FAM199X: variants seen among roughly 807,000 people sequenced by gnomAD.
The protein encoded by FAM199X is family with sequence similarity 199, X-linked.
In FAM199X, 4 loss-of-function variants were observed where a neutral mutation model predicts 22.9. That is an observed-to-expected ratio of 0.17 (90% CI 0.09 to 0.40). The LOEUF (loss-of-function observed/expected upper bound fraction) is 0.40. FAM199X is among the 10% of genes least tolerant of loss of function. FAM199X has a pLI of 1.00. For synonymous variants in FAM199X, 101 were observed against 112.3 expected (o/e 0.90, Z 0.64); for missense variants, 183 against 306.8 (o/e 0.60, Z 3.01).
At chrX:104,177,016 A>G (rs1012105795) in intron 2 of FAM199X, among the ~76,000 whole-genome samples, 1 of 111,676 alleles carries the variant, frequency 9.0e-6, no homozygotes, top group African/African-American at 3.3e-5. Context: ...TTTGAAATGT[A>G]TAATTCAGTA....
chrX:104,160,026 C>T, the FAM199X span, among the ~76,000 whole-genome samples: 357 of 112,261 alleles, frequency 3.2e-3, 2 homozygotes, highest in African/African-American at 0.011. Context: ...TGAGAGCACT[C>T]GCTCTAAATC....
chrX:104,161,035 TTTA>T, the FAM199X span, among the ~76,000 whole-genome samples: 1 of 111,516 alleles, frequency 9.0e-6, no homozygotes, highest in Admixed American at 9.6e-5. Flanking sequence ...ATTGGTTCCT[TTTA>T]TTATTTTTAT....
intron 2 of FAM199X, among the ~76,000 whole-genome samples, chrX:104,180,309 T>TTTTC (rs1921616763): frequency 9.5e-6 from 1 of 105,148 alleles, no homozygotes; most frequent in African/African-American, 3.5e-5. Flanking sequence ...TTTTTTTTTT[T>TTTTC]CTCAGTACAG....
At chrX:104,167,116 C>A in intron 1 of FAM199X, 134 bp downstream of exon 1, 1 of 503,536 alleles carries the variant, frequency 2.0e-6, no homozygotes, top group Non-Finnish European at 3.0e-6. Context: ...TTCCCGGCCT[C>A]CTTCCCTGCC....
intron 2 of FAM199X, among the ~76,000 whole-genome samples, chrX:104,177,730 C>T (rs375863221): frequency 6.0e-4 from 67 of 112,043 alleles, no homozygotes; most frequent in African/African-American, 2.0e-3. Context: ...TGTGTGTCCT[C>T]TTTGGGGAAA....
chrX:104,181,102 C>T (rs978958988), intron 2 of FAM199X, among the ~76,000 whole-genome samples: 2 of 112,249 alleles, frequency 1.8e-5, no homozygotes, highest in East Asian at 5.6e-4. Context: ...AGTGAGTAAT[C>T]AGCTGTCACA....
At chrX:104,173,355 C>A (rs996972926) in intron 1 of FAM199X, among the ~76,000 whole-genome samples, 14 of 111,318 alleles carry the variant, frequency 1.3e-4, no homozygotes, top group Admixed American at 1.0e-3. Flanking sequence ...ATTTTTTTTA[C>A]TATCTATAAA....
intron 1 of FAM199X, among the ~76,000 whole-genome samples, chrX:104,169,682 C>T (rs1176961400): frequency 8.9e-6 from 1 of 111,822 alleles, no homozygotes; most frequent in African/African-American, 3.3e-5. Flanking sequence ...ATTCTCCTGC[C>T]TCAGCCTTCT....
Position 104,185,118 on chromosome X carries a change from G to T in FAM199X, c.418-948G>T, listed in dbSNP as rs5962550. ...GACGGGGTCTCGCCACATTGCCTAGGCTGGTCTTGAACTCCTAGGCTCAAG... is the reference window on the plus strand; with the variant it reads ...GACGGGGTCTCGCCACATTGCCTAGTCTGGTCTTGAACTCCTAGGCTCAAG... On this transcript the variant is annotated intron_variant, in intron 2 of 5. Transcript: ENST00000493442. Among the ~76,000 whole-genome samples the T allele has an allele frequency of 2.0e-3, 201 of 101,188 alleles. 2 individuals carry two copies. The highest frequency in any genetic ancestry group is 7.1e-3 in the African/African-American group (194 of 27,151). 87.9% of individuals were successfully genotyped at this position (101,188 alleles called of 115,157 possible).
At chrX:104,168,878 CTTTTTTT>C (rs56399350) in intron 1 of FAM199X, among the ~76,000 whole-genome samples, 2 of 83,336 alleles carry the variant, frequency 2.4e-5, no homozygotes, top group Non-Finnish European at 4.6e-5. Flanking sequence ...TTACTGCTTG[CTTTTTTT>C]TTTTTTTTTT....
rs1480729414 is a variant in FAM199X, at chrX:104,193,961, G to T, written c.*4183G>T. 6 of 111,506 alleles carry T rather than the reference G, an allele frequency of 5.4e-5. No individual in the cohort carries two copies. Among genetic ancestry groups the T allele is most frequent in the Non-Finnish European group, 1.1e-4 (6 of 52,904 alleles). The allele number at this position is 111,506 out of a possible 1,213,427, so 9.2% of individuals were successfully genotyped here. ...TTACTTATTCCAGAAGCCTTAGAAG[G>T]AATTCTGAAAATTCTTCTAACTGGC... On this transcript the variant is annotated 3_prime_UTR_variant, in exon 6 of 6. Transcript: ENST00000493442.
At chrX:104,169,884 G>A in intron 1 of FAM199X, among the ~76,000 whole-genome samples, 1 of 112,208 alleles carries the variant, frequency 8.9e-6, no homozygotes, top group East Asian at 2.8e-4. Flanking sequence ...TCAAATTAAA[G>A]TCATTTGTGA....
In FAM199X at chrX:104,189,650, A is replaced by C; in HGVS notation, c.1039A>C (p.Lys347Gln). 2.5e-6 allele frequency: 3 copies of C among 1,211,988 alleles called. No individual in the cohort carries two copies. The highest frequency in any genetic ancestry group is 3.4e-6 in the Non-Finnish European group (3 of 895,446). ...QRKLQQKAFR[K>Q]RQLKEQRQAR... Reference sequence around the variant, plus strand: ...GAAGTTACAGCAGAAGGCCTTCCGCAAGAGGCAGCTGAAGGAGCAGAGGCA... The same window carrying C: ...GAAGTTACAGCAGAAGGCCTTCCGCCAGAGGCAGCTGAAGGAGCAGAGGCA... The change falls in exon 6 of 6, where the codon AAG becomes CAG. Residue 347 changes from lysine to glutamine, a missense_variant. Physicochemically the swap from Lys to Gln is moderately conservative, Grantham distance 53. Around this residue, in one of 2 missense-constraint regions of FAM199X, gnomAD observed 128 missense variants for 246.2 expected, o/e 0.52. Coordinates refer to ENST00000493442, the MANE Select transcript of FAM199X (RefSeq NM_207318.4).
At chrX:104,171,507 GA>G (rs1307682664) in intron 1 of FAM199X, among the ~76,000 whole-genome samples, 3 of 111,874 alleles carry the variant, frequency 2.7e-5, no homozygotes, top group African/African-American at 9.7e-5. Flanking sequence ...GTTTGAAACT[GA>G]CAGAACAGTC....
chrX:104,164,506 G>A (rs1556373268), upstream of FAM199X, among the ~76,000 whole-genome samples: 1 of 111,941 alleles, frequency 8.9e-6, no homozygotes, highest in Non-Finnish European at 1.9e-5. Context: ...ACACATACTT[G>A]TAGAAACCTC....
chrX:104,173,793 A>G (rs1347876705), intron 1 of FAM199X, among the ~76,000 whole-genome samples: 1 of 112,081 alleles, frequency 8.9e-6, no homozygotes, highest in Non-Finnish European at 1.9e-5. Flanking sequence ...TTCAAGACCA[A>G]AAAAAGATCC....
chrX:104,173,357 A>G (rs1422423918), intron 1 of FAM199X, among the ~76,000 whole-genome samples: 14 of 111,751 alleles, frequency 1.3e-4, no homozygotes, highest in Non-Finnish European at 2.6e-4. Context: ...TTTTTTTACT[A>G]TCTATAAAAA....
chrX:104,167,021 T>G, intron 1 of FAM199X, 39 bp downstream of exon 1: 3 of 1,068,192 alleles, frequency 2.8e-6, no homozygotes, highest in Non-Finnish European at 3.7e-6. Context: ...GATTTTCCAC[T>G]TCTGGTCGCC....
At chrX:104,175,491 G>A in intron 1 of FAM199X, 132 bp from the exon 2 acceptor site, 1 of 502,728 alleles carries the variant, frequency 2.0e-6, no homozygotes, top group East Asian at 3.7e-5. Flanking sequence ...TCCTTAAAAG[G>A]TAGGGGCTCT....
Sources: gnomAD v4.1 joint callset for allele counts (sites outside exome capture counted in the v4.1 genomes callset) on GRCh38, gnomAD v4.1.1 for gene constraint, gnomAD v4.1.1 regional missense constraint, MANE v1.5 for transcripts, NCBI Gene and HGNC (gene_info 2026-07-23, HGNC 2026-07-21) for gene names.